The following MAML3 variants were observed in gnomAD, a reference collection of about 807,000 sequenced individuals.
MAML3 encodes mastermind-like protein 3.
MAML3 carries 27 observed loss-of-function variants against 101.9 expected under a neutral mutation model. That is an observed-to-expected ratio of 0.27 (90% CI 0.20 to 0.37). MAML3 has a LOEUF of 0.37. Ranked by LOEUF, MAML3 falls within the 10% of genes least tolerant of loss-of-function variation. The probability of loss-of-function intolerance (pLI) is 1.00; values close to 1 mark genes in which losing one functional copy is unlikely to be tolerated. For synonymous variants in MAML3, 501 were observed against 555.9 expected (o/e 0.90, Z 1.39); for missense variants, 1,316 against 1,444.9 (o/e 0.91, Z 1.45).
chr4:139,856,053 C>T (rs1267716985), intron 2 of MAML3, among the ~76,000 whole-genome samples: 1 of 152,214 alleles, frequency 6.6e-6, no homozygotes. Flanking sequence ...GCTCATTCCA[C>T]ACTGCAGTGC....
At chr4:139,898,619 A>C (rs1328460305) in intron 1 of MAML3, among the ~76,000 whole-genome samples, 2 of 152,216 alleles carry the variant, frequency 1.3e-5, no homozygotes, top group Non-Finnish European at 2.9e-5. Flanking sequence ...TGAAGATAAG[A>C]GAGTCTTAGC....
Position 139,890,356 on chromosome 4 carries a change from G to C in MAML3, c.1080C>G (p.Asp360Glu). 1 of 1,603,646 alleles carries C rather than the reference G, an allele frequency of 6.2e-7. No homozygotes were observed. Among genetic ancestry groups the C allele is most frequent in the Admixed American group, 1.7e-5 (1 of 59,410 alleles). Residue 360 changes from aspartate (D) to glutamate (E), a missense_variant, in exon 2 of 5, where the codon GAC becomes GAG. Physicochemically the swap from Asp to Glu is conservative, Grantham distance 45 (BLOSUM62 2). Coordinates refer to ENST00000509479, the MANE Select transcript of MAML3 (RefSeq NM_018717.5). The surrounding 1 kb of genome is among the most constrained non-coding windows in gnomAD (Gnocchi z 4.1). ...LSQESASVKS[D>E]PSHSPFAHVS... is the part of the protein sequence containing the mutation. ...CATGTGCGAAGGGAGAGTGAGAGGG[G>C]TCGCTCTTCACGCTCGCACTCTCCT...
intron 2 of MAML3, among the ~76,000 whole-genome samples, chr4:139,807,888 C>G (rs1214300671): frequency 6.6e-6 from 1 of 152,192 alleles, no homozygotes; most frequent in Non-Finnish European, 1.5e-5. Flanking sequence ...GATATATTTT[C>G]TTATCAAACA....
At chr4:140,040,816 C>T (rs1429799320) in intron 1 of MAML3, among the ~76,000 whole-genome samples, 1 of 152,108 alleles carries the variant, frequency 6.6e-6, no homozygotes, top group East Asian at 1.9e-4. Flanking sequence ...ATAATAGTCT[C>T]CTTTCACTTA....
chr4:140,006,890 C>G (rs916938832), intron 1 of MAML3, among the ~76,000 whole-genome samples: 1 of 152,200 alleles, frequency 6.6e-6, no homozygotes, highest in Non-Finnish European at 1.5e-5. Context: ...TATATTAACT[C>G]ATTTAATCTT....
At chr4:139,970,964 A>C (rs1309716071) in intron 1 of MAML3, among the ~76,000 whole-genome samples, 2 of 152,190 alleles carry the variant, frequency 1.3e-5, no homozygotes, top group African/African-American at 4.8e-5. Context: ...ACAGATGAGA[A>C]AATAAAAAAT....
At chr4:139,853,030 T>C (rs1731586728) in intron 2 of MAML3, among the ~76,000 whole-genome samples, 1 of 152,240 alleles carries the variant, frequency 6.6e-6, no homozygotes, top group Non-Finnish European at 1.5e-5. Flanking sequence ...CACACTTTAC[T>C]ACTACCCTCT....
chr4:139,974,132 G>A (rs1734278224), intron 1 of MAML3, among the ~76,000 whole-genome samples: 2 of 141,308 alleles, frequency 1.4e-5, no homozygotes, highest in Admixed American at 7.2e-5. Flanking sequence ...TTGAGACAGA[G>A]TCTCGCTCTA....
intron 2 of MAML3, among the ~76,000 whole-genome samples, chr4:139,848,238 G>T (rs963739568): frequency 3.0e-4 from 46 of 152,170 alleles, no homozygotes; most frequent in Non-Finnish European, 1.9e-4. Flanking sequence ...ATGATGGATG[G>T]ATGTCTGTGT....
chr4:139,745,701 A>C (rs1199525789), intron 2 of MAML3, among the ~76,000 whole-genome samples: 1 of 152,220 alleles, frequency 6.6e-6, no homozygotes, highest in East Asian at 1.9e-4. Flanking sequence ...ATCAGGTAAA[A>C]ATAATGCTAG....
At chr4:139,729,182 G>T (rs941850093) in intron 3 of MAML3, among the ~76,000 whole-genome samples, 3 of 134,742 alleles carry the variant, frequency 2.2e-5, no homozygotes, top group Non-Finnish European at 4.8e-5. Flanking sequence ...AAAAAAAAGG[G>T]AACATAAGTG....
At chr4:140,054,266 G>A (rs891026108) in intron 1 of MAML3, among the ~76,000 whole-genome samples, 2 of 151,722 alleles carry the variant, frequency 1.3e-5, no homozygotes, top group African/African-American at 4.8e-5. Flanking sequence ...CTACCCGGGA[G>A]GCTGAGGCAG....
chr4:140,101,831 C>T (rs544605124), intron 1 of MAML3, among the ~76,000 whole-genome samples: 33 of 151,296 alleles, frequency 2.2e-4, no homozygotes, highest in Non-Finnish European at 3.7e-4. Flanking sequence ...TGCAATTCCA[C>T]GTGCTGGGTC....
rs760553105 is a variant in MAML3, at chr4:139,725,755, A to C, written c.2412T>G (p.Phe804Leu). ...NPYPVQQVNQFQGSPQDIAAV... is the reference protein window; with the variant it reads ...NPYPVQQVNQLQGSPQDIAAV... ...GAGAGGTTGCACTGGCCTCACCTTG[A>C]AACTGATTGACCTGCTGCACTGGGT... Residue 804 changes from phenylalanine (F) to leucine (L), a missense_variant, in exon 4 of 5, where the codon TTT (phenylalanine) becomes TTG (leucine). Coordinates refer to ENST00000509479, the MANE Select transcript of MAML3 (RefSeq NM_018717.5). 2 of 1,613,942 alleles carry C rather than the reference A, an allele frequency of 1.2e-6. No homozygotes were observed. Among genetic ancestry groups the C allele is most frequent in the Non-Finnish European group, 1.7e-6 (2 of 1,179,846 alleles).
intron 1 of MAML3, among the ~76,000 whole-genome samples, chr4:139,902,973 T>A (rs1732756178): frequency 6.6e-6 from 1 of 152,156 alleles, no homozygotes; most frequent in Non-Finnish European, 1.5e-5. Context: ...TCCACAGACC[T>A]CTTCCAGTCC....
At chr4:139,949,580 A>T (rs1733798221) in intron 1 of MAML3, among the ~76,000 whole-genome samples, 1 of 152,244 alleles carries the variant, frequency 6.6e-6, no homozygotes, top group Non-Finnish European at 1.5e-5. Context: ...ATTTGATACT[A>T]TGGAAATCTG....
intron 1 of MAML3, among the ~76,000 whole-genome samples, chr4:139,898,504 A>G (rs1451947436): frequency 6.6e-6 from 1 of 152,254 alleles, no homozygotes; most frequent in African/African-American, 2.4e-5. Flanking sequence ...AAATTTCCAT[A>G]CAAAGGCTTC....
At chr4:140,006,447 A>G (rs940883968) in intron 1 of MAML3, among the ~76,000 whole-genome samples, 2 of 152,026 alleles carry the variant, frequency 1.3e-5, no homozygotes, top group Non-Finnish European at 2.9e-5. Flanking sequence ...TTAGCCAGGC[A>G]TGGTGGCGGG....
chr4:139,814,523 A>G (rs997279585), intron 2 of MAML3, among the ~76,000 whole-genome samples: 3 of 152,184 alleles, frequency 2.0e-5, no homozygotes, highest in Non-Finnish European at 4.4e-5. Context: ...GGACGATTTC[A>G]AAACTCCCAG....
Sources: gnomAD v4.1 joint callset for allele counts (sites outside exome capture counted in the v4.1 genomes callset) on GRCh38, gnomAD v4.1.1 for gene constraint, Gnocchi (gnomAD v3.1) non-coding constraint, MANE v1.5 for transcripts, NCBI Gene and HGNC (gene_info 2026-07-23, HGNC 2026-07-21) for gene names.